The following TBC1D32 variants were observed in gnomAD, a reference collection of about 807,000 sequenced individuals.
TBC1D32 encodes the protein protein broad-minded.
A neutral mutation model predicts 170.3 loss-of-function variants in TBC1D32; 151 were observed. The ratio of observed to expected loss-of-function variants is 0.89; its 90% CI spans 0.78 to 1.01. The LOEUF is 1.01. Among genes scored for constraint, TBC1D32 ranks in the 50% least tolerant of loss-of-function variants. The probability of loss-of-function intolerance (pLI) is 0.00; values close to 1 mark genes in which losing one functional copy is unlikely to be tolerated. For missense variants in TBC1D32, 1,464 were observed against 1,457.1 expected (o/e 1.00, Z -0.08); for synonymous variants, 498 against 488.0 (o/e 1.02, Z -0.27).
At chr6:121,289,048 T>C (rs146455690) in intron 12 of TBC1D32, among the ~76,000 whole-genome samples, 2,668 of 152,256 alleles carry the variant, frequency 0.018, 27 homozygotes, top group South Asian at 0.042. Flanking sequence ...GCCAATATCA[T>C]ACTGAATGGG....
chr6:121,334,612 CCTTA>C (rs149390555), upstream of TBC1D32: 17,151 of 689,390 alleles, frequency 0.025, 767 homozygotes, highest in East Asian at 0.15. Context: ...AAACGAGTCA[CCTTA>C]CTTTGGGGAA....
At chr6:121,182,067 A>G (rs1788590251) in intron 22 of TBC1D32, among the ~76,000 whole-genome samples, 1 of 152,064 alleles carries the variant, frequency 6.6e-6, no homozygotes, top group Non-Finnish European at 1.5e-5. Flanking sequence ...CCAAAAATAT[A>G]TACACTGTCT....
intron 1 of TBC1D32, among the ~76,000 whole-genome samples, chr6:121,324,833 A>C (rs1031598523): frequency 2.0e-5 from 3 of 152,208 alleles, no homozygotes; most frequent in African/African-American, 7.2e-5. Flanking sequence ...ATATGTCCTC[A>C]ATTTTGTAAT....
At chr6:121,269,722 G>C (rs1332870198) in intron 15 of TBC1D32, among the ~76,000 whole-genome samples, 1 of 152,048 alleles carries the variant, frequency 6.6e-6, no homozygotes, top group Non-Finnish European at 1.5e-5. Flanking sequence ...AAGTTAACAA[G>C]GATATCCAGG....
intron 4 of TBC1D32, among the ~76,000 whole-genome samples, chr6:121,310,109 A>C (rs1011068941): frequency 6.6e-5 from 10 of 152,040 alleles, no homozygotes; most frequent in African/African-American, 2.4e-4. Flanking sequence ...TAGGGAAGGC[A>C]TGGGTAACTG....
chr6:121,229,175 C>T (rs1412712551), intron 20 of TBC1D32, among the ~76,000 whole-genome samples: 1 of 152,086 alleles, frequency 6.6e-6, no homozygotes, highest in Non-Finnish European at 1.5e-5. Context: ...ACAATTACCT[C>T]GCCTGCCCTC....
At chr6:121,252,461 A>C (rs1247001105) in intron 17 of TBC1D32, among the ~76,000 whole-genome samples, 5 of 152,208 alleles carry the variant, frequency 3.3e-5, no homozygotes, top group Admixed American at 2.6e-4. Flanking sequence ...CAGCAAACTA[A>C]CACAGGAACA....
chr6:121,136,159 G>C (rs1307647942), intron 24 of TBC1D32, among the ~76,000 whole-genome samples: 1 of 152,006 alleles, frequency 6.6e-6, no homozygotes, highest in Non-Finnish European at 1.5e-5. Context: ...TTATTTTTAG[G>C]GATTTAAAGA....
chr6:121,326,424 G>A (rs776258912), intron 1 of TBC1D32, among the ~76,000 whole-genome samples: 6 of 152,046 alleles, frequency 3.9e-5, no homozygotes, highest in Non-Finnish European at 7.4e-5. Flanking sequence ...TGATCTGACC[G>A]CTATACATGT....
chr6:121,161,460 T>C (rs999536596), intron 22 of TBC1D32, among the ~76,000 whole-genome samples: 5 of 152,212 alleles, frequency 3.3e-5, no homozygotes, highest in African/African-American at 9.6e-5. Context: ...GTATTTGGTT[T>C]TCCATTCCTA....
chr6:121,162,649 C>T (rs1045575000), intron 22 of TBC1D32, among the ~76,000 whole-genome samples: 1 of 152,108 alleles, frequency 6.6e-6, no homozygotes, highest in African/African-American at 2.4e-5. Flanking sequence ...TCTAGAAAAC[C>T]CCATCATCTC....
chr6:121,241,222 T>C (rs577965746), intron 19 of TBC1D32, among the ~76,000 whole-genome samples: 1 of 152,230 alleles, frequency 6.6e-6, no homozygotes, highest in African/African-American at 2.4e-5. Context: ...TTATTTGCCA[T>C]TGGTCCGAGG....
intron 1 of TBC1D32, among the ~76,000 whole-genome samples, chr6:121,326,385 G>A (rs1810463138): frequency 1.3e-5 from 2 of 152,052 alleles, no homozygotes; most frequent in African/African-American, 4.8e-5. Context: ...AATGATAAAT[G>A]TCTGAGATGA....
chr6:121,126,361 C>T lies in TBC1D32; in HGVS notation c.2983+17G>A. The T allele has an allele frequency of 6.3e-7, 1 of 1,582,270 alleles. No individual in the cohort carries two copies. The highest frequency in any genetic ancestry group is 8.6e-7 in the Non-Finnish European group (1 of 1,159,480). ...CATACTGAGTCTTTTTCAAACTTCACAATGTTTAAAATGTACCTGTATACT... is the reference window on the plus strand; with the variant it reads ...CATACTGAGTCTTTTTCAAACTTCATAATGTTTAAAATGTACCTGTATACT... On this transcript the variant is annotated intron_variant, in intron 26 of 31. Transcript: ENST00000398212.
chr6:121,208,729 GAAAA>G (rs57771111), intron 21 of TBC1D32, among the ~76,000 whole-genome samples: 1,728 of 86,920 alleles, frequency 0.02, 30 homozygotes, highest in Middle Eastern at 0.078. Flanking sequence ...GAAACACCTG[GAAAA>G]AAAAAAAAAA....
intron 31 of TBC1D32, among the ~76,000 whole-genome samples, chr6:121,085,230 TATAC>T (rs1269655014): frequency 0.011 from 1,658 of 144,764 alleles, 10 homozygotes; most frequent in South Asian, 0.041. Context: ...CACATATATA[TATAC>T]ACATATACAT....
intron 17 of TBC1D32, among the ~76,000 whole-genome samples, chr6:121,253,071 A>C (rs1387554247): frequency 6.6e-6 from 1 of 152,192 alleles, no homozygotes; most frequent in African/African-American, 2.4e-5. Flanking sequence ...CTAAGACCTC[A>C]AAAGCAATTG....
chr6:121,115,344 G>A (rs1365671276), intron 26 of TBC1D32, 103 bp from the exon 27 acceptor site: 5 of 817,988 alleles, frequency 6.1e-6, no homozygotes, highest in South Asian at 3.0e-5. Context: ...ATATTTTAAT[G>A]TGAATTTTGA....
At position 121,269,137 on chromosome 6, in the gene TBC1D32, G is replaced by C. The variant is rs567542191; in HGVS notation, c.1733+9984C>G. ...GCACTAAACATGGAATGGAACAACT[G>C]GTACCAGCCACTGCAAAAACATGCC... On this transcript the variant is annotated intron_variant, in intron 15 of 31. Transcript: ENST00000398212. 6.8e-4 allele frequency among the ~76,000 whole-genome samples: 104 copies of C among 152,164 alleles called. 1 individual carries two copies. Among genetic ancestry groups the C allele is most frequent in the Admixed American group, 1.2e-3 (18 of 15,276 alleles).
Sources: allele counts gnomAD v4.1 joint callset (sites outside exome capture counted in the v4.1 genomes callset), GRCh38; gene constraint gnomAD v4.1.1; transcripts MANE v1.5; gene names NCBI Gene and HGNC (gene_info 2026-07-23, HGNC 2026-07-21).